CDKL5: variants seen among roughly 807,000 people sequenced by gnomAD.
CDKL5 encodes cyclin dependent kinase like 5.
Under a neutral mutation model 61.7 loss-of-function variants are expected in CDKL5, and 8 were observed. That is an observed-to-expected ratio of 0.13 (90% CI 0.08 to 0.23). CDKL5 has a LOEUF of 0.23. Ranked by LOEUF, CDKL5 falls within the 10% of genes least tolerant of loss-of-function variation. The pLI, the probability that CDKL5 is intolerant of heterozygous loss-of-function variation, is 1.00. For synonymous variants in CDKL5, 275 were observed against 272.3 expected, an observed-to-expected ratio of 1.01 and a Z score of -0.10; for missense variants, 440 against 734.5, an observed-to-expected ratio of 0.60 and a Z score of 4.63.
At chrX:18,566,212 C>T (rs1307950593) in intron 4 of CDKL5, among the ~76,000 whole-genome samples, 6 of 111,765 alleles carry the variant, frequency 5.4e-5, no homozygotes, top group African/African-American at 9.8e-5. Flanking sequence ...AGTGCAGTGG[C>T]GCAATCTTGG....
intron 1 of CDKL5, chrX:18,497,375 T>C (rs1922214032): frequency 9.0e-6 from 1 of 111,478 alleles, no homozygotes; most frequent in Non-Finnish European, 1.9e-5. Context: ...TGGCATGGTT[T>C]TAGGTGAGTG....
At chrX:18,491,358 T>A (rs1378374091) in intron 1 of CDKL5, among the ~76,000 whole-genome samples, 1 of 112,057 alleles carries the variant, frequency 8.9e-6, no homozygotes. Flanking sequence ...TGAGGAGCCT[T>A]ATTTTTTAAA....
intron 1 of CDKL5, among the ~76,000 whole-genome samples, chrX:18,472,474 G>A (rs1921130915): frequency 8.9e-6 from 1 of 111,771 alleles, no homozygotes; most frequent in Non-Finnish European, 1.9e-5. Context: ...ATAGTCTTTG[G>A]TGGATTTAGG....
At chrX:18,497,323 A>G (rs1246965774) in intron 1 of CDKL5, 1 of 111,072 alleles carries the variant, frequency 9.0e-6, no homozygotes, top group Admixed American at 9.6e-5. Flanking sequence ...GTCATCTCTC[A>G]CTGAGGCCAA....
Position 18,482,947 on chromosome X carries a change from A to G in CDKL5, c.-162-23988A>G, listed in dbSNP as rs748380974. ...AGACTAAAATTGTTTGCTTTAAAAT[A>G]TTTTATTTTCCTTAATAAAAATATT... On this transcript the variant is annotated intron_variant, in intron 1 of 17. Transcript: ENST00000623535. Among the ~76,000 whole-genome samples, 31 of 112,095 alleles carry G rather than the reference A, an allele frequency of 2.8e-4. No homozygotes were observed. The South Asian group carries it at 0.011, about 41-fold the overall frequency.
chrX:18,482,820 T>C, intron 1 of CDKL5, among the ~76,000 whole-genome samples: 1 of 111,681 alleles, frequency 9.0e-6, no homozygotes, highest in East Asian at 2.8e-4. Flanking sequence ...TTTAGCATAG[T>C]TCTAAATTGT....
intron 2 of CDKL5, among the ~76,000 whole-genome samples, chrX:18,509,199 A>ACGCGCGCACACACACG (rs1351945385): frequency 2.2e-5 from 1 of 44,927 alleles, no homozygotes; most frequent in South Asian, 1.4e-3. Context: ...CAAAACACGC[A>ACGCGCGCACACACACG]CACACACACA....
At chrX:18,652,337 A>G (rs1374505333) in intron 21 of CDKL5, among the ~76,000 whole-genome samples, 2 of 112,290 alleles carry the variant, frequency 1.8e-5, no homozygotes. Context: ...AATTGAGTAG[A>G]TGCTAGAAGG....
rs367844172 is a variant in CDKL5, at chrX:18,439,045, GCC to G, written c.-163+13360_-163+13361del. ...TCCCTTATCAAAGGTGCCCCTTTTT[GCC>G]CCCCCCCCCGCCCCCCACCATTTCC... On this transcript the variant is annotated intron_variant, in intron 1 of 17. Transcript: ENST00000623535. Among the ~76,000 whole-genome samples, 136 of 37,471 alleles carry G rather than the reference GCC, an allele frequency of 3.6e-3. 1 individual carries two copies. The highest frequency in any genetic ancestry group is 0.014 in the African/African-American group (125 of 9,224). The allele number at this position is 37,471 out of a possible 115,157, so 32.5% of individuals were successfully genotyped here.
Position 18,628,360 on chromosome X carries a change from C to G in CDKL5, c.2497-11C>G. On this transcript the variant is annotated splice_polypyrimidine_tract_variant and intron_variant, in intron 17 of 17. Transcript: ENST00000623535. ...CTTGAATCCTGTGTGCATTCTCATC[C>G]TTTCTTTCAGAGCCAGCCATTAAAA... The G allele has an allele frequency of 8.3e-7, 1 of 1,209,812 alleles. No homozygotes were observed. The highest frequency in any genetic ancestry group is 1.1e-6 in the Non-Finnish European group (1 of 893,554).
rs779273953 is a variant in CDKL5 at position 18,446,601 on chromosome X, A to G, written c.-163+20906A>G. 3.6e-5 allele frequency among the ~76,000 whole-genome samples: 4 copies of G among 111,774 alleles called. No individual in the cohort carries two copies. The East Asian group carries it at 1.1e-3, about 32-fold the overall frequency. On this transcript the variant is annotated intron_variant, in intron 1 of 17. Transcript: ENST00000623535. ...GACTTGTGAGTTCTTTGGGACTGTA[A>G]TCAATATACAGTATGTGATTTCTGT...
At chrX:18,469,541 G>A (rs775062339) in intron 1 of CDKL5, among the ~76,000 whole-genome samples, 64 of 106,800 alleles carry the variant, frequency 6.0e-4, no homozygotes, top group African/African-American at 2.0e-3. Flanking sequence ...TCAGCTACTC[G>A]GGAGGCTGAG....
At position 18,553,453 on chromosome X, in the gene CDKL5, TGTGTGTGTGTGC is replaced by T. The variant is rs200695422; in HGVS notation, c.100-11012_100-11001del. 6.4e-4 allele frequency among the ~76,000 whole-genome samples: 65 copies of T among 101,996 alleles called. No individual in the cohort carries two copies. The East Asian group carries it at 0.019, about 29-fold the overall frequency. The allele number at this position is 101,996 out of a possible 115,157, so 88.6% of individuals were successfully genotyped here. A position where few individuals can be genotyped will look rare whatever the true frequency, so the allele number is the denominator to read the frequency against. On this transcript the variant is annotated intron_variant, in intron 3 of 17. Transcript: ENST00000623535. ...ATCACTGACTTGGCTTGAAGGCAGT[TGTGTGTGTGTGC>T]GTGTGTGTGTGTGTGTGTGTGTGTG...
chrX:18,653,525 C>A lies in CDKL5; in HGVS notation c.3074C>A (p.Ala1025Glu), dbSNP rs768289707. ...GCGCTCCTGACATACCATGAGAATG[C>A]GGCACTGACGGGCAAGTGACTTCTG... The change falls in exon 22 of 22, where the codon GCG becomes GAG. Residue 1025 changes from alanine to glutamate, a missense_variant. Physicochemically the swap from Ala to Glu is moderately radical, Grantham distance 107. Coordinates refer to the CDKL5 transcript ENST00000379989. 6 of 1,210,177 alleles carry A rather than the reference C, an allele frequency of 5.0e-6. No homozygotes were observed. Among genetic ancestry groups the A allele is most frequent in the Non-Finnish European group, 6.7e-6 (6 of 895,257 alleles).
At chrX:18,460,950 G>C (rs752899578) in intron 1 of CDKL5, among the ~76,000 whole-genome samples, 1 of 112,320 alleles carries the variant, frequency 8.9e-6, no homozygotes, top group East Asian at 2.8e-4. Flanking sequence ...GGGAAGATAG[G>C]GTTGGACACG....
chrX:18,435,164 A>G (rs1931583812), intron 1 of CDKL5, among the ~76,000 whole-genome samples: 1 of 111,350 alleles, frequency 9.0e-6, no homozygotes, highest in African/African-American at 3.3e-5. Flanking sequence ...AAAGATTACC[A>G]GAGGCTGGGT....
At chrX:18,606,188 A>C (rs1344584137) in intron 12 of CDKL5, among the ~76,000 whole-genome samples, 1 of 108,049 alleles carries the variant, frequency 9.3e-6, no homozygotes, top group Non-Finnish European at 1.9e-5. Context: ...ACACACACAC[A>C]CACACACACA....
intron 10 of CDKL5, among the ~76,000 whole-genome samples, chrX:18,597,149 G>T (rs752453687): frequency 9.1e-6 from 1 of 109,509 alleles, no homozygotes; most frequent in Non-Finnish European, 1.9e-5. Context: ...AACCAGTTCC[G>T]ACTTCTGTCA....
At position 18,633,255 on chromosome X, in the gene CDKL5, A is replaced by G. The variant is rs921316114; in HGVS notation, c.*4498A>G. 17 of 753,091 alleles carry G rather than the reference A, an allele frequency of 2.3e-5. No homozygotes were observed. In the Admixed American group the frequency reaches 2.6e-4, roughly 12 times the overall value. The allele number at this position is 753,091 out of a possible 1,213,427, so 62.1% of individuals were successfully genotyped here. ...GTGGTAGGGTACACTGAACCAAGTC[A>G]GAAAATAGTGAAATATTTCCTTGCC... On this transcript the variant is annotated 3_prime_UTR_variant, in exon 18 of 18. Transcript: ENST00000623535.
Sources: allele counts gnomAD v4.1 joint callset (sites outside exome capture counted in the v4.1 genomes callset), GRCh38; gene constraint gnomAD v4.1.1; transcripts MANE v1.5; gene names NCBI Gene and HGNC (gene_info 2026-07-23, HGNC 2026-07-21).